CDH22: variants seen among roughly 807,000 people sequenced by gnomAD.
CDH22 encodes the protein cadherin 22.
In CDH22, 30 loss-of-function variants were observed where a neutral mutation model predicts 58.4. The observed-to-expected ratio is 0.51, with a 90% CI of 0.38 to 0.70. CDH22 has a LOEUF of 0.70. CDH22 is among the 30% of genes least tolerant of loss of function. CDH22 has a pLI of 0.00. For missense variants in CDH22, 1,014 were observed against 1,233.9 expected (o/e 0.82, Z 2.67); for synonymous variants, 513 against 558.2 (o/e 0.92, Z 1.14).
chr20:46,253,139 A>AGGAAGAAAC (rs1389757826), intron 1 of CDH22, among the ~76,000 whole-genome samples: 9 of 152,340 alleles, frequency 5.9e-5, no homozygotes, highest in Admixed American at 5.9e-4. Flanking sequence ...AACTCTAGGG[A>AGGAAGAAAC]GGAAGAAACG....
Position 46,225,625 on chromosome 20 carries a change from C to T in CDH22, c.670+1883G>A, listed in dbSNP as rs184103565. On this transcript the variant is annotated intron_variant, in intron 4 of 11. Transcript: ENST00000537909. The stretch of plus-strand genomic sequence containing the variant: ...GACTGGATGGGGTGAAGAATTGCTA[C>T]TAAATTCCTGTTTGGACTTTTTGAA... 1.6e-3 allele frequency among the ~76,000 whole-genome samples: 244 copies of T among 152,258 alleles called. 3 individuals are homozygous for T. Among genetic ancestry groups the T allele is most frequent in the African/African-American group, 5.6e-3 (234 of 41,540 alleles).
At chr20:46,223,654 T>TC (rs1214505054) in intron 4 of CDH22, among the ~76,000 whole-genome samples, 39 of 147,752 alleles carry the variant, frequency 2.6e-4, no homozygotes, top group African/African-American at 8.7e-4. Context: ...TCTTTCTCTT[T>TC]CTTTTTCTTT....
At chr20:46,263,427 T>TGC (rs1053265286) in intron 1 of CDH22, among the ~76,000 whole-genome samples, 6 of 128,848 alleles carry the variant, frequency 4.7e-5, no homozygotes, top group South Asian at 5.0e-4. Context: ...TGTGTGTGTG[T>TGC]GCGTGTGTGT....
chr20:46,258,279 T>C (rs1441375130), intron 1 of CDH22, among the ~76,000 whole-genome samples: 1 of 152,048 alleles, frequency 6.6e-6, no homozygotes, highest in Non-Finnish European at 1.5e-5. Flanking sequence ...TGAAGGTTCA[T>C]TTGCCTGTTG....
intron 11 of CDH22, 145 bp downstream of exon 11, chr20:46,177,801 C>T: frequency 1.9e-6 from 2 of 1,048,932 alleles, no homozygotes; most frequent in Non-Finnish European, 2.7e-6. Context: ...ATGGGGGCTG[C>T]TTGTTAGAGC....
intron 3 of CDH22, among the ~76,000 whole-genome samples, chr20:46,239,318 TTG>T (rs1466059555): frequency 6.6e-6 from 1 of 152,270 alleles, no homozygotes. Flanking sequence ...GGTTAGGTGT[TTG>T]TGTGTGCACA....
rs747375025 is a variant in CDH22 at position 46,174,529 on chromosome 20, C to T, written c.2464G>A (p.Asp822Asn). 4.3e-4 allele frequency: 652 copies of T among 1,516,722 alleles called. 2 individuals carry two copies. The highest frequency in any genetic ancestry group is 5.5e-4 in the Non-Finnish European group (625 of 1,138,808). 94.0% of individuals were successfully genotyped at this position (1,516,722 alleles called of 1,614,324 possible). Residue 822 changes from aspartate to asparagine, a missense_variant, in exon 12 of 12, where the codon GAC (aspartate) becomes AAC (asparagine). Physicochemically the swap from Asp to Asn is conservative, Grantham distance 23. This residue lies in a region of CDH22 where 208 missense variants were observed against 195.2 expected (regional missense o/e 1.07). Coordinates refer to ENST00000537909, the MANE Select transcript of CDH22 (RefSeq NM_021248.3). The surrounding 1 kb of genome is among the most constrained non-coding windows in gnomAD (Gnocchi z 4.4). ...GGCTAGGAGGCCTGGGCCTCGTCGT[C>T]CCCGCGGTGGCCGGCGTAGAGCGCG... ...LAALYAGHRGDDEAQAS is the reference protein window; with the variant it reads ...LAALYAGHRGNDEAQAS
chr20:46,251,263 C>T lies in CDH22; in HGVS notation c.32G>A (p.Arg11Gln), dbSNP rs1243952156. 2.7e-6 allele frequency: 4 copies of T among 1,464,124 alleles called. No homozygotes were observed. Among genetic ancestry groups the T allele is most frequent in the East Asian group, 3.0e-5 (1 of 32,990 alleles). 90.7% of individuals were successfully genotyped at this position (1,464,124 alleles called of 1,614,324 possible). The change falls in exon 2 of 12, where the codon CGG becomes CAG. Residue 11 changes from arginine (R) to glutamine (Q), a missense_variant. By Grantham distance (43) the Arg-to-Gln change is conservative. Transcript: ENST00000537909. This position sits in a 1 kb window ranked among gnomAD's most constrained non-coding sequence, Gnocchi z 6.7. Reference protein sequence around the residue: MRPRPEGRGLRAGVALSPALL... With the variant: MRPRPEGRGLQAGVALSPALL... ...CGCGGGGGACAGCGCGACTCCCGCC[C>T]GGAGCCCCCTACCTTCGGGCCTCGG... is the stretch of plus-strand genomic sequence containing the variant.
Position 46,202,671 on chromosome 20 carries a change from C to T in CDH22, c.1287-3112G>A, listed in dbSNP as rs532446794. On this transcript the variant is annotated intron_variant, in intron 7 of 11. Transcript: ENST00000537909. ...CCCGGCCGCCAGAGTTCTTTTTAGC[C>T]TGACCGACAGCCCATCCAAAGTTGA... 3.9e-5 allele frequency among the ~76,000 whole-genome samples: 6 copies of T among 152,178 alleles called. No individual in the cohort carries two copies. The South Asian group carries it at 1.0e-3, about 26-fold the overall frequency.
intron 1 of CDH22, among the ~76,000 whole-genome samples, chr20:46,292,710 T>C (rs1250263213): frequency 6.6e-6 from 1 of 152,144 alleles, no homozygotes; most frequent in Admixed American, 6.5e-5. Context: ...CTCATTGTGA[T>C]CTAAACCGTG....
At chr20:46,263,973 C>T (rs901936620) in intron 1 of CDH22, among the ~76,000 whole-genome samples, 1 of 151,858 alleles carries the variant, frequency 6.6e-6, no homozygotes, top group East Asian at 1.9e-4. Flanking sequence ...GGGAGGCTGG[C>T]GTGGGATGGA....
At chr20:46,303,449 T>G (rs1389532349) in intron 1 of CDH22, among the ~76,000 whole-genome samples, 1 of 152,234 alleles carries the variant, frequency 6.6e-6, no homozygotes, top group African/African-American at 2.4e-5. Context: ...CAGACTCCTG[T>G]CAGCTGGGAT....
intron 1 of CDH22, among the ~76,000 whole-genome samples, chr20:46,288,301 TC>T (rs1174229141): frequency 6.6e-6 from 1 of 152,142 alleles, no homozygotes; most frequent in Non-Finnish European, 1.5e-5. Context: ...TCCACACCTC[TC>T]CCAGCACCCT....
rs548027460 is a variant in CDH22, at chr20:46,236,039, C to T, written c.550+4924G>A. 9.1e-4 allele frequency among the ~76,000 whole-genome samples: 138 copies of T among 152,168 alleles called. 1 individual carries two copies. The highest frequency in any genetic ancestry group is 1.7e-3 in the Non-Finnish European group (115 of 68,004). On this transcript the variant is annotated intron_variant, in intron 3 of 11. Transcript: ENST00000537909. ...CTCACTTCTCTTCAGCCACAGACCT[C>T]CGTGCTATTCCTCAAACACGACAAA...
intron 4 of CDH22, among the ~76,000 whole-genome samples, chr20:46,226,875 G>A (rs1242557233): frequency 1.3e-5 from 2 of 152,070 alleles, no homozygotes; most frequent in Non-Finnish European, 2.9e-5. Context: ...TGTCCTCCTC[G>A]CACTCCCCCA....
In CDH22 at chr20:46,187,066, C is replaced by T. The variant is rs2085831927; in HGVS notation, c.1424-119G>A. On this transcript the variant is annotated intron_variant, in intron 8 of 11. Coordinates refer to ENST00000537909, the MANE Select transcript of CDH22 (RefSeq NM_021248.3). The stretch of plus-strand genomic sequence containing the variant: ...TCATGCTGAGAAATTTGTGGGTTAA[C>T]CAAGCTGGTACAAGGACCAGAACTG... 23 of 1,055,208 alleles carry T rather than the reference C, an allele frequency of 2.2e-5. No individual in the cohort carries two copies. The South Asian group carries it at 4.1e-4, about 19-fold the overall frequency. The allele number at this position is 1,055,208 out of a possible 1,614,324, so 65.4% of individuals were successfully genotyped here.
chr20:46,229,299 C>A lies in CDH22; in HGVS notation c.551-1672G>T, dbSNP rs112104557. 7.5e-5 allele frequency among the ~76,000 whole-genome samples: 11 copies of A among 147,178 alleles called. No homozygotes were observed. The South Asian group carries it at 1.8e-3, about 25-fold the overall frequency. ...CGGAGATGCAGAGTGGCCCCCCCCCCCAATTTTACAGCTGAGGAATCAAGT... is the reference window on the plus strand; with the variant it reads ...CGGAGATGCAGAGTGGCCCCCCCCCACAATTTTACAGCTGAGGAATCAAGT... On this transcript the variant is annotated intron_variant, in intron 3 of 11. Coordinates refer to ENST00000537909, the MANE Select transcript of CDH22 (RefSeq NM_021248.3).
At chr20:46,222,131 G>A (rs6104504) in intron 4 of CDH22, among the ~76,000 whole-genome samples, 46,791 of 152,134 alleles carry the variant, frequency 0.31, 8,031 homozygotes, top group African/African-American at 0.48. Flanking sequence ...AGGACTGAAT[G>A]AGAGGAAGCT....
intron 8 of CDH22, among the ~76,000 whole-genome samples, chr20:46,197,484 G>A (rs527714677): frequency 6.6e-6 from 1 of 152,274 alleles, no homozygotes; most frequent in East Asian, 1.9e-4. Context: ...GATTGTTGCT[G>A]GTGGTGGGAC....
Sources: gnomAD v4.1 joint callset for allele counts (sites outside exome capture counted in the v4.1 genomes callset) on GRCh38, gnomAD v4.1.1 for gene constraint, gnomAD v4.1.1 regional missense constraint, Gnocchi (gnomAD v3.1) non-coding constraint, MANE v1.5 for transcripts, NCBI Gene and HGNC (gene_info 2026-07-23, HGNC 2026-07-21) for gene names.